The following ADGRL2 variants were observed in gnomAD, a reference collection of about 807,000 sequenced individuals.
ADGRL2 encodes the protein calcium-independent alpha-latrotoxin receptor 2.
A neutral mutation model predicts 157.4 loss-of-function variants in ADGRL2; 44 were observed. The ratio of observed to expected loss-of-function variants is 0.28; its 90% CI spans 0.22 to 0.36. ADGRL2 has a LOEUF of 0.36. Among genes scored for constraint, ADGRL2 ranks in the 10% least tolerant of loss-of-function variants. The pLI is 1.00. For missense variants in ADGRL2, 1,510 were observed against 1,768.9 expected (o/e 0.85, Z 2.63); for synonymous variants, 585 against 624.7 (o/e 0.94, Z 0.95).
intron 1 of ADGRL2, among the ~76,000 whole-genome samples, chr1:81,416,697 T>A (rs1448894640): frequency 6.6e-6 from 1 of 152,174 alleles, no homozygotes; most frequent in East Asian, 1.9e-4. Flanking sequence ...ACCTACTAAA[T>A]GTAGAAATTC....
rs188471371 is a variant in ADGRL2, at chr1:81,429,410, C to T, written c.-301-15626C>T. Among the ~76,000 whole-genome samples, 425 of 152,202 alleles carry T rather than the reference C, an allele frequency of 2.8e-3. 4 individuals are homozygous for T. The highest frequency in any genetic ancestry group is 9.9e-3 in the African/African-American group (412 of 41,522). ...CTAATCTCTAATTAGCTAATTTGAG[C>T]GAGGGAGGAGGAGGGTCTATATTCC... On this transcript the variant is annotated intron_variant, in intron 1 of 24. Transcript: ENST00000370721.
intron 3 of ADGRL2, among the ~76,000 whole-genome samples, chr1:81,671,674 G>A (rs190786148): frequency 6.6e-6 from 1 of 151,994 alleles, no homozygotes; most frequent in East Asian, 1.9e-4. Context: ...TACCACACCC[G>A]GCTAATTTTT....
At chr1:81,534,646 T>A (rs2148278391) in intron 2 of ADGRL2, among the ~76,000 whole-genome samples, 1 of 152,290 alleles carries the variant, frequency 6.6e-6, no homozygotes. Context: ...CTTTTTCAAT[T>A]TAGATTTAAT....
intron 2 of ADGRL2, among the ~76,000 whole-genome samples, chr1:81,499,587 C>T (rs937589713): frequency 1.3e-5 from 2 of 152,140 alleles, no homozygotes; most frequent in Admixed American, 1.3e-4. Context: ...GAATCTATGC[C>T]CTTGTGAGAA....
intron 1 of ADGRL2, among the ~76,000 whole-genome samples, chr1:81,829,177 G>A (rs564482711): frequency 2.0e-5 from 3 of 152,138 alleles, no homozygotes; most frequent in African/African-American, 4.8e-5. Context: ...CTCCCAAAGT[G>A]CTGAGATTAC....
chr1:81,500,248 C>T (rs2078818250), intron 2 of ADGRL2, among the ~76,000 whole-genome samples: 1 of 152,138 alleles, frequency 6.6e-6, no homozygotes. Context: ...GTATGGTGGT[C>T]CTGCAAAATT....
rs1367485411 is a variant in ADGRL2, at chr1:81,454,649, C to T, written c.-248+9560C>T. 1.6e-4 allele frequency among the ~76,000 whole-genome samples: 25 copies of T among 152,132 alleles called. 1 individual carries two copies. Among genetic ancestry groups the T allele is most frequent in the Admixed American group, 1.6e-3 (25 of 15,274 alleles). On this transcript the variant is annotated intron_variant, in intron 2 of 24. Transcript: ENST00000370721. The stretch of plus-strand genomic sequence containing the variant: ...AAAAATTTAGCACTTCGTTGAAAAA[C>T]ACCTGGTGGGAGCAATGCAAGAACA...
Position 81,990,848 on chromosome 1 carries a change from T to C in ADGRL2, c.4113T>C (p.Asp1371=). 1 of 1,614,062 alleles carries C rather than the reference T, an allele frequency of 6.2e-7. No homozygotes were observed. Among genetic ancestry groups the C allele is most frequent in the African/African-American group, 1.3e-5 (1 of 75,020 alleles). ...CCCAACTGACAGCAGAGGCTGAAGA[T>C]CACCTACAGTCCCCCAACAGAGACT... ...YVSQLTAEAE[D]HLQSPNRDSL... The change falls in exon 24 of 24, where the codon GAT becomes GAC. Residue 1371 remains aspartate, a synonymous_variant. Transcript: ENST00000686636.
chr1:81,790,844 T>C (rs1439696897), intron 2 of ADGRL2, among the ~76,000 whole-genome samples: 2 of 152,006 alleles, frequency 1.3e-5, no homozygotes, highest in Admixed American at 6.6e-5. Flanking sequence ...GGGAGCCATT[T>C]CTAGATACAC....
At chr1:81,781,209 G>A (rs908736082) in intron 2 of ADGRL2, among the ~76,000 whole-genome samples, 1 of 152,068 alleles carries the variant, frequency 6.6e-6, no homozygotes, top group South Asian at 2.1e-4. Context: ...ATTTACCAAG[G>A]TGAATAACAT....
chr1:81,514,716 A>G (rs1157282319), intron 2 of ADGRL2: 1 of 152,228 alleles, frequency 6.6e-6, no homozygotes, highest in Non-Finnish European at 1.5e-5. Flanking sequence ...ACTCAAGAAC[A>G]TAAAGTTGAT....
chr1:81,427,644 G>GGA, intron 1 of ADGRL2: 3 of 554,014 alleles, frequency 5.4e-6, no homozygotes, highest in Admixed American at 2.7e-5. Flanking sequence ...GCTCTTAGCA[G>GGA]GAGAGAGAGA....
chr1:81,977,825 T>C (rs988983046), intron 17 of ADGRL2, among the ~76,000 whole-genome samples: 2 of 151,666 alleles, frequency 1.3e-5, no homozygotes, highest in South Asian at 4.1e-4. Context: ...AAAACCCTTA[T>C]GTTCAGAAGT....
At chr1:81,746,464 AT>A (rs2085249984) in intron 1 of ADGRL2, among the ~76,000 whole-genome samples, 1 of 151,838 alleles carries the variant, frequency 6.6e-6, no homozygotes, top group Non-Finnish European at 1.5e-5. Context: ...TAATTTTTCT[AT>A]TTTTTGTAGA....
At chr1:81,390,996 A>T (rs1395277509) in intron 1 of ADGRL2, among the ~76,000 whole-genome samples, 1 of 152,308 alleles carries the variant, frequency 6.6e-6, no homozygotes, top group African/African-American at 2.4e-5. Flanking sequence ...ACAAACACTC[A>T]TGGAAACTTT....
chr1:81,986,508 GAAA>G (rs1363254966), intron 21 of ADGRL2, among the ~76,000 whole-genome samples: 1 of 152,042 alleles, frequency 6.6e-6, no homozygotes, highest in Non-Finnish European at 1.5e-5. Context: ...TGTAAATTCT[GAAA>G]GTTTGAGATT....
At chr1:81,971,562 A>C (rs1658757286) in intron 16 of ADGRL2, among the ~76,000 whole-genome samples, 1 of 152,206 alleles carries the variant, frequency 6.6e-6, no homozygotes, top group Non-Finnish European at 1.5e-5. Context: ...TAGGGAAGTC[A>C]GAAGTCTTAA....
In ADGRL2 at chr1:81,760,721, C is replaced by CT. The variant is rs10715240; in HGVS notation, c.-142-1076dup. Among the ~76,000 whole-genome samples, 135 of 146,044 alleles carry CT rather than the reference C, an allele frequency of 9.2e-4. 1 individual carries two copies. Among genetic ancestry groups the CT allele is most frequent in the South Asian group, 6.5e-3 (30 of 4,636 alleles). ...CTTCAGGAGCTGGTGCTTAAAAATACTTTTTTTTTTTTTTAGCAGATTGAT... is the reference window on the plus strand; with the variant it reads ...CTTCAGGAGCTGGTGCTTAAAAATACTTTTTTTTTTTTTTTAGCAGATTGAT... On this transcript the variant is annotated intron_variant, in intron 1 of 20. Coordinates refer to the ADGRL2 transcript ENST00000359929.
At chr1:81,917,588 T>C (rs2094885921) in intron 3 of ADGRL2, among the ~76,000 whole-genome samples, 2 of 152,226 alleles carry the variant, frequency 1.3e-5, no homozygotes, top group Non-Finnish European at 1.5e-5. Flanking sequence ...AGATATATTG[T>C]GAAACTAACA....
Sources: allele counts gnomAD v4.1 joint callset (sites outside exome capture counted in the v4.1 genomes callset), GRCh38; gene constraint gnomAD v4.1.1; transcripts MANE v1.5; gene names NCBI Gene and HGNC (gene_info 2026-07-23, HGNC 2026-07-21).